Variants in TMEM132C observed in about 807,000 individuals in gnomAD.
The protein encoded by TMEM132C is transmembrane protein 132C.
TMEM132C carries 29 observed loss-of-function variants against 61.4 expected under a neutral mutation model. That is an observed-to-expected ratio of 0.47 (90% confidence interval 0.35 to 0.64). The LOEUF (loss-of-function observed/expected upper bound fraction) is 0.64, where lower values mean the gene tolerates loss of function less well. Among genes scored for constraint, TMEM132C ranks in the 30% least tolerant of loss-of-function variants. The probability of loss-of-function intolerance (pLI) is 0.00; values close to 1 mark genes in which losing one functional copy is unlikely to be tolerated. For missense variants in TMEM132C, 1,408 were observed against 1,476.9 expected, an observed-to-expected ratio of 0.95 and a Z score of 0.76; for synonymous variants, 656 against 633.1, an observed-to-expected ratio of 1.04 and a Z score of -0.54.
intron 1 of TMEM132C, among the ~76,000 whole-genome samples, chr12:128,320,812 C>CAA (rs34303937): frequency 7.8e-4 from 101 of 129,250 alleles, no homozygotes; most frequent in Admixed American, 3.2e-3. Context: ...AAGATAAATA[C>CAA]AAAAAAAAAA....
intron 2 of TMEM132C, among the ~76,000 whole-genome samples, chr12:128,515,821 C>T (rs1022364812): frequency 2.0e-5 from 3 of 149,086 alleles, no homozygotes; most frequent in Admixed American, 6.7e-5. Flanking sequence ...GACGACAGAG[C>T]GAGACTCCGT....
At chr12:128,499,983 A>T (rs1426715207) in intron 2 of TMEM132C, among the ~76,000 whole-genome samples, 1 of 152,190 alleles carries the variant, frequency 6.6e-6, no homozygotes, top group African/African-American at 2.4e-5. Flanking sequence ...TAGCAGCTGC[A>T]CTAATTTACA....
intron 2 of TMEM132C, among the ~76,000 whole-genome samples, chr12:128,477,220 T>G (rs1262850370): frequency 6.6e-6 from 1 of 152,198 alleles, no homozygotes; most frequent in Non-Finnish European, 1.5e-5. Flanking sequence ...GAATCTTGGC[T>G]GGACTCACTC....
intron 2 of TMEM132C, among the ~76,000 whole-genome samples, chr12:128,418,135 C>T (rs978913881): frequency 3.9e-5 from 6 of 152,070 alleles, no homozygotes; most frequent in Admixed American, 1.3e-4. Context: ...ATTTTAAATT[C>T]GAAGCAAATT....
At chr12:128,306,745 T>C (rs1445870342) in intron 1 of TMEM132C, among the ~76,000 whole-genome samples, 1 of 152,150 alleles carries the variant, frequency 6.6e-6, no homozygotes, top group Non-Finnish European at 1.5e-5. Context: ...CATCTATCAA[T>C]TGGATTACTG....
intron 3 of TMEM132C, among the ~76,000 whole-genome samples, chr12:128,569,420 G>A (rs150374515): frequency 6.9e-4 from 105 of 152,270 alleles, no homozygotes; most frequent in Middle Eastern, 3.4e-3. Flanking sequence ...TACAAAGACA[G>A]ATGTTAAAAG....
At chr12:128,660,251 TC>T (rs1205884446) in intron 4 of TMEM132C, among the ~76,000 whole-genome samples, 3 of 152,196 alleles carry the variant, frequency 2.0e-5, no homozygotes, top group African/African-American at 7.2e-5. Context: ...GGCAAGTCAT[TC>T]CTCCTCGTCC....
intron 1 of TMEM132C, among the ~76,000 whole-genome samples, chr12:128,314,985 A>G (rs987033597): frequency 1.3e-5 from 2 of 152,232 alleles, no homozygotes; most frequent in African/African-American, 4.8e-5. Context: ...GAAACAAGTA[A>G]ATAAATGTGA....
intron 2 of TMEM132C, among the ~76,000 whole-genome samples, chr12:128,473,318 CTATCTTCATCTTCAG>C (rs1871022556): frequency 2.9e-5 from 3 of 105,084 alleles, no homozygotes; most frequent in Non-Finnish European, 4.6e-5. Context: ...ACTCCAGCCT[CTATCTTCATCTTCAG>C]TCCAGCCTCC....
intron 3 of TMEM132C, among the ~76,000 whole-genome samples, chr12:128,611,468 T>G (rs1466640): frequency 0.12 from 17,584 of 152,176 alleles, 2,278 homozygotes; most frequent in African/African-American, 0.3. Flanking sequence ...GGAATATGTC[T>G]GGGGCGGGAG....
At chr12:128,508,893 T>G (rs1872476012) in intron 2 of TMEM132C, among the ~76,000 whole-genome samples, 1 of 152,132 alleles carries the variant, frequency 6.6e-6, no homozygotes, top group Non-Finnish European at 1.5e-5. Flanking sequence ...CATGTCAGTC[T>G]CTCCCCAGCG....
At chr12:128,609,200 A>C (rs112815768) in intron 3 of TMEM132C, among the ~76,000 whole-genome samples, 2 of 23,954 alleles carry the variant, frequency 8.3e-5, no homozygotes. Context: ...TGTAACCCCC[A>C]CCTCCCTGCA....
intron 1 of TMEM132C, among the ~76,000 whole-genome samples, chr12:128,409,012 C>T (rs934371797): frequency 2.0e-5 from 3 of 152,072 alleles, no homozygotes; most frequent in African/African-American, 7.2e-5. Context: ...AGAGCAACTC[C>T]CGTCTCCTCT....
At chr12:128,599,909 C>T (rs184335155) in intron 3 of TMEM132C, among the ~76,000 whole-genome samples, 132 of 152,244 alleles carry the variant, frequency 8.7e-4, no homozygotes, top group African/African-American at 3.0e-3. Flanking sequence ...TCATGGGAGC[C>T]GTTACCCCCA....
chr12:128,315,092 C>T (rs1002500592), intron 1 of TMEM132C, among the ~76,000 whole-genome samples: 5 of 152,026 alleles, frequency 3.3e-5, no homozygotes, highest in Non-Finnish European at 5.9e-5. Context: ...TGGATGGTCT[C>T]GGAAGGTTCT....
chr12:128,271,740 A>G (rs1870529480), intron 1 of TMEM132C, among the ~76,000 whole-genome samples: 1 of 152,162 alleles, frequency 6.6e-6, no homozygotes, highest in African/African-American at 2.4e-5. Context: ...TTCTTCGTTC[A>G]TCTCACTGTT....
intron 1 of TMEM132C, among the ~76,000 whole-genome samples, chr12:128,410,723 A>G (rs1449608023): frequency 6.6e-6 from 1 of 152,148 alleles, no homozygotes; most frequent in East Asian, 1.9e-4. Flanking sequence ...TGTTTTTTAA[A>G]ATAAAGATGT....
At chr12:128,523,612 A>C (rs1388194051) in intron 2 of TMEM132C, among the ~76,000 whole-genome samples, 1 of 152,146 alleles carries the variant, frequency 6.6e-6, no homozygotes, top group Non-Finnish European at 1.5e-5. Context: ...CCAGCAGCAT[A>C]GACTCACAAC....
chr12:128,554,328 C>T (rs1412204794), intron 3 of TMEM132C, among the ~76,000 whole-genome samples: 1 of 152,128 alleles, frequency 6.6e-6, no homozygotes, highest in African/African-American at 2.4e-5. Flanking sequence ...GGAGGGTGGC[C>T]GGCTGCACCC....
Sources: gnomAD v4.1 joint callset for allele counts (sites outside exome capture counted in the v4.1 genomes callset) on GRCh38, gnomAD v4.1.1 for gene constraint, MANE v1.5 for transcripts, NCBI Gene and HGNC (gene_info 2026-07-23, HGNC 2026-07-21) for gene names.